The following RPN2 variants were observed in gnomAD, a reference collection of about 807,000 sequenced individuals.
The protein encoded by RPN2 is ribophorin II, also known as dolichyl-diphosphooligosaccharide--protein glycosyltransferase subunit 2.
A neutral mutation model predicts 71.4 loss-of-function variants in RPN2; 29 were observed. That is an observed-to-expected ratio of 0.41 (90% CI 0.30 to 0.55). The LOEUF is 0.55. RPN2 is among the 20% of genes least tolerant of loss of function. The pLI, the probability that RPN2 is intolerant of heterozygous loss-of-function variation, is 0.35. For missense variants in RPN2, 726 were observed against 774.1 expected (o/e 0.94, Z 0.74); for synonymous variants, 308 against 305.0 (o/e 1.01, Z -0.10).
At chr20:37,183,271 A>G (rs993319343) in intron 1 of RPN2, among the ~76,000 whole-genome samples, 1 of 152,002 alleles carries the variant, frequency 6.6e-6, no homozygotes, top group African/African-American at 2.4e-5. Flanking sequence ...GTTGGCAACA[A>G]TGGCGCATTC....
At position 37,229,994 on chromosome 20, in the gene RPN2, C is replaced by G. The variant is rs747166299; in HGVS notation, c.1516C>G (p.Pro506Ala). The change falls in exon 13 of 17, where the codon CCT (proline) becomes GCT (alanine). Residue 506 changes from proline to alanine, a missense_variant. By Grantham distance (27) the Pro-to-Ala change is conservative. Transcript: ENST00000237530. Reference protein sequence around the residue: ...WNVADVVIKFPEEEAPSTVLS... With the variant: ...WNVADVVIKFAEEEAPSTVLS... ...CTAGGCTGATGTGGTCATCAAGTTC[C>G]CTGAGGAAGAAGCTCCCTCGACTGT... 3 of 1,614,070 alleles carry G rather than the reference C, an allele frequency of 1.9e-6. No individual in the cohort carries two copies. The East Asian group carries it at 6.7e-5, about 36-fold the overall frequency.
intron 13 of RPN2, among the ~76,000 whole-genome samples, chr20:37,230,782 A>G (rs1334032781): frequency 1.3e-5 from 2 of 152,314 alleles, no homozygotes; most frequent in African/African-American, 2.4e-5. Flanking sequence ...GATTGTTTTC[A>G]AAACTCCTTT....
At chr20:37,235,708 C>T (rs1337877969) in intron 15 of RPN2, among the ~76,000 whole-genome samples, 1 of 152,100 alleles carries the variant, frequency 6.6e-6, no homozygotes, top group South Asian at 2.1e-4. Context: ...TGGAGTGCAA[C>T]GGTGCGATCT....
intron 2 of RPN2, among the ~76,000 whole-genome samples, chr20:37,192,143 G>T (rs140569259): frequency 6.6e-6 from 1 of 152,292 alleles, no homozygotes; most frequent in East Asian, 1.9e-4. Flanking sequence ...CCCTTATAAA[G>T]CGTTGTGAGC....
intron 7 of RPN2, among the ~76,000 whole-genome samples, chr20:37,208,903 A>C (rs138700066): frequency 2.6e-4 from 40 of 152,334 alleles, no homozygotes; most frequent in Non-Finnish European, 4.9e-4. Context: ...CTCCTGAGCG[A>C]GTACCCTGTT....
intron 4 of RPN2, among the ~76,000 whole-genome samples, chr20:37,199,874 C>T (rs1276705173): frequency 1.3e-5 from 2 of 152,142 alleles, no homozygotes; most frequent in African/African-American, 4.8e-5. Context: ...CACTCTGTCA[C>T]CCAGGCTGAA....
chr20:37,209,811 A>G (rs1349469565), intron 7 of RPN2, among the ~76,000 whole-genome samples: 1 of 152,066 alleles, frequency 6.6e-6, no homozygotes, highest in Non-Finnish European at 1.5e-5. Context: ...ATTCTGTAGT[A>G]GAGTGGATAG....
At position 37,184,265 on chromosome 20, in the gene RPN2, C is replaced by A. The variant is rs62206558; in HGVS notation, c.99C>A (p.Asp33Glu). ...CCACTCACTACCTCACCAAGCATGA[C>A]GTGGAGAGACTAAAAGCCTCGCTGG... ...LTPTHYLTKH[D>E]VERLKASLDR... Residue 33 changes from aspartate (D) to glutamate (E), a missense_variant, in exon 2 of 17, where the codon GAC (aspartate) becomes GAA (glutamate). Transcript: ENST00000237530. 6 of 1,614,168 alleles carry A rather than the reference C, an allele frequency of 3.7e-6. No individual in the cohort carries two copies. Among genetic ancestry groups the A allele is most frequent in the Non-Finnish European group, 5.1e-6 (6 of 1,180,026 alleles).
At chr20:37,231,370 A>G (rs569546583) in intron 13 of RPN2, among the ~76,000 whole-genome samples, 3 of 151,796 alleles carry the variant, frequency 2.0e-5, no homozygotes, top group Admixed American at 2.0e-4. Flanking sequence ...AGGAAAAAAC[A>G]AAAAACAAAA....
In RPN2 at chr20:37,197,557, G is replaced by A. The variant is rs182228898; in HGVS notation, c.208-840G>A. ...GATGCATGGTATTACCTGTGCATGA[G>A]CTGGGAAGTCCTGGTGAAGAAATAG... is the stretch of plus-strand genomic sequence containing the variant. On this transcript the variant is annotated intron_variant, in intron 2 of 16. Transcript: ENST00000237530. Among the ~76,000 whole-genome samples, 440 of 152,292 alleles carry A rather than the reference G, an allele frequency of 2.9e-3. 3 individuals carry two copies. Among genetic ancestry groups the A allele is most frequent in the African/African-American group, 0.01 (433 of 41,554 alleles).
chr20:37,213,367 GC>G (rs2067722372), intron 8 of RPN2, among the ~76,000 whole-genome samples: 1 of 152,144 alleles, frequency 6.6e-6, no homozygotes, highest in Non-Finnish European at 1.5e-5. Context: ...TCATGCCCCA[GC>G]CTGCACTTTG....
At chr20:37,180,779 C>T (rs1396725292) in intron 1 of RPN2, among the ~76,000 whole-genome samples, 4 of 152,180 alleles carry the variant, frequency 2.6e-5, no homozygotes, top group African/African-American at 9.7e-5. Context: ...TTTGGGCCAC[C>T]ATCATCTTCT....
At chr20:37,217,008 A>G (rs2067824816) in intron 9 of RPN2, among the ~76,000 whole-genome samples, 1 of 148,956 alleles carries the variant, frequency 6.7e-6, no homozygotes, top group Non-Finnish European at 1.5e-5. Flanking sequence ...ATGGCTCACT[A>G]CAGCCTTGAC....
intron 9 of RPN2, among the ~76,000 whole-genome samples, chr20:37,215,987 T>A (rs1032233459): frequency 5.3e-5 from 8 of 152,204 alleles, no homozygotes; most frequent in Non-Finnish European, 1.0e-4. Flanking sequence ...TCCCCTAGAA[T>A]TGCTTTATGG....
rs375652167 is a variant in RPN2, at chr20:37,225,671, C to T, written c.1185-17C>T. On this transcript the variant is annotated splice_polypyrimidine_tract_variant and intron_variant, in intron 10 of 16. Transcript: ENST00000237530. ...TACTGATCCTCTCTGAAGACTAACT[C>T]TATATGCCTCTTTCAGGGTGACATA... 3 of 1,547,240 alleles carry T rather than the reference C, an allele frequency of 1.9e-6. No homozygotes were observed. Among genetic ancestry groups the T allele is most frequent in the African/African-American group, 1.4e-5 (1 of 73,706 alleles).
intron 11 of RPN2, 42 bp from the exon 12 acceptor site, chr20:37,228,508 T>G: frequency 6.3e-7 from 1 of 1,588,100 alleles, no homozygotes; most frequent in South Asian, 1.1e-5. Context: ...AGGGAGAATC[T>G]TGAAATTATC....
At chr20:37,238,887 A>T (rs1569004540) in intron 16 of RPN2, 1 of 515,192 alleles carries the variant, frequency 1.9e-6, no homozygotes, top group Non-Finnish European at 3.9e-6. Context: ...ACCGATCTCT[A>T]GTTGGGCTAA....
intron 2 of RPN2, among the ~76,000 whole-genome samples, chr20:37,195,037 A>G (rs1173501127): frequency 6.6e-6 from 1 of 152,164 alleles, no homozygotes; most frequent in Admixed American, 6.6e-5. Context: ...TCTTTGCTCA[A>G]GAGGGTGTTT....
chr20:37,219,071 C>T (rs1179148924), intron 9 of RPN2, among the ~76,000 whole-genome samples: 3 of 152,252 alleles, frequency 2.0e-5, no homozygotes, highest in African/African-American at 4.8e-5. Context: ...TATGGTAACT[C>T]GGTGTTTCAC....
Sources: allele counts gnomAD v4.1 joint callset (sites outside exome capture counted in the v4.1 genomes callset), GRCh38; gene constraint gnomAD v4.1.1; transcripts MANE v1.5; gene names NCBI Gene and HGNC (gene_info 2026-07-23, HGNC 2026-07-21).